Variants in COL28A1 observed in about 807,000 individuals in gnomAD.
COL28A1 encodes the protein collagen alpha-1(XXVIII) chain.
A neutral mutation model predicts 150.2 loss-of-function variants in COL28A1; 161 were observed. That is an observed-to-expected ratio of 1.07 (90% CI 0.94 to 1.22). The LOEUF is 1.22. COL28A1 is among the 50% of genes most tolerant of loss of function. COL28A1 has a pLI of 0.00. For synonymous variants in COL28A1, 552 were observed against 469.7 expected (o/e 1.18, Z -2.26); for missense variants, 1,617 against 1,388.3 (o/e 1.16, Z -2.62).
chr7:7,457,859 T>C (rs992310267), intron 15 of COL28A1, among the ~76,000 whole-genome samples: 1 of 152,200 alleles, frequency 6.6e-6, no homozygotes, highest in African/African-American at 2.4e-5. Context: ...ATGGTTAACA[T>C]GCTCATTTTA....
chr7:7,427,897 G>C (rs1451877102), intron 25 of COL28A1, among the ~76,000 whole-genome samples: 1 of 152,076 alleles, frequency 6.6e-6, no homozygotes, highest in African/African-American at 2.4e-5. Context: ...GAGCATCTGT[G>C]GATCAGGGTA....
At chr7:7,453,277 A>G (rs907755439) in intron 17 of COL28A1, among the ~76,000 whole-genome samples, 163 bp downstream of exon 17, 1 of 152,262 alleles carries the variant, frequency 6.6e-6, no homozygotes, top group African/African-American at 2.4e-5. Context: ...AATACATATT[A>G]CATTTTCTAA....
downstream of COL28A1, among the ~76,000 whole-genome samples, chr7:7,354,878 G>A (rs1780312302): frequency 6.6e-6 from 1 of 152,078 alleles, no homozygotes; most frequent in African/African-American, 2.4e-5. Context: ...GGATGCCTCT[G>A]ACACCAAAGA....
chr7:7,524,201 C>G (rs376116380), intron 4 of COL28A1, 28 bp downstream of exon 4: 1 of 1,090,556 alleles, frequency 9.2e-7, no homozygotes, highest in East Asian at 2.4e-5. Flanking sequence ...TGGAGTAATT[C>G]GTAGTAATCA....
chr7:7,500,939 C>A (rs1184556334), intron 11 of COL28A1, among the ~76,000 whole-genome samples: 1 of 152,148 alleles, frequency 6.6e-6, no homozygotes, highest in African/African-American at 2.4e-5. Flanking sequence ...GCCCTCACTG[C>A]AACGAACTCC....
At position 7,489,404 on chromosome 7, in the gene COL28A1, AC is replaced by A. The variant is rs1311746513; in HGVS notation, c.1148del (p.Gly383ValfsTer55). ...TGCTACTTACTGGCTGTCCAGGCTC[AC>A]CAACTCCAATGGGTCCTGGAGCTCC... ...RPGAPGPIGV[G>X]EPGQPGPRGP... On this transcript the variant is annotated frameshift_variant, in exon 13 of 35. Transcript: ENST00000399429. LOFTEE classifies it high-confidence loss of function. 8.4e-6 allele frequency: 12 copies of A among 1,424,528 alleles called. No individual in the cohort carries two copies. Among genetic ancestry groups the A allele is most frequent in the African/African-American group, 1.4e-5 (1 of 71,342 alleles). 88.2% of individuals were successfully genotyped at this position (1,424,528 alleles called of 1,614,324 possible).
intron 13 of COL28A1, among the ~76,000 whole-genome samples, chr7:7,482,699 T>TGTTAAA (rs1779405542): frequency 6.6e-6 from 1 of 152,162 alleles, no homozygotes; most frequent in Non-Finnish European, 1.5e-5. Context: ...AATTTCATGT[T>TGTTAAA]CTGGTAATAT....
intron 21 of COL28A1, 151 bp from the exon 22 acceptor site, chr7:7,437,613 C>CT (rs1423040358): frequency 5.4e-6 from 7 of 1,290,774 alleles, no homozygotes; most frequent in Admixed American, 7.4e-5. Flanking sequence ...ATTTGAGCAT[C>CT]TTTTGTAACC....
At chr7:7,457,520 T>A (rs189617465) in intron 15 of COL28A1, among the ~76,000 whole-genome samples, 294 of 152,270 alleles carry the variant, frequency 1.9e-3, no homozygotes, top group African/African-American at 6.3e-3. Flanking sequence ...AAAATGAACA[T>A]CCAAATGGAG....
At chr7:7,437,834 A>C (rs543364915) in intron 21 of COL28A1, among the ~76,000 whole-genome samples, 50 of 152,280 alleles carry the variant, frequency 3.3e-4, no homozygotes, top group African/African-American at 1.2e-3. Flanking sequence ...CAAATGTTTT[A>C]GGGTGTACTT....
chr7:7,472,434 A>AT lies in COL28A1; in HGVS notation c.1302+2166_1302+2167insA, dbSNP rs35893013. On this transcript the variant is annotated intron_variant, in intron 15 of 34. Transcript: ENST00000399429. ...CCCTTTTTACAATAGCTGCAAAAAA[A>AT]AAAATAAAATACTTAGGAATATACC... 4.6e-3 allele frequency among the ~76,000 whole-genome samples: 705 copies of AT among 152,228 alleles called. 5 individuals are homozygous for AT. Among genetic ancestry groups the AT allele is most frequent in the East Asian group, 0.022 (114 of 5,182 alleles).
chr7:7,424,708 A>T (rs1405044257), intron 25 of COL28A1, among the ~76,000 whole-genome samples: 1 of 151,974 alleles, frequency 6.6e-6, no homozygotes, highest in Non-Finnish European at 1.5e-5. Flanking sequence ...TAACCCCTGC[A>T]CCCACTCTCT....
intron 18 of COL28A1, among the ~76,000 whole-genome samples, chr7:7,447,302 A>G (rs1468264093): frequency 6.6e-6 from 1 of 152,146 alleles, no homozygotes. Flanking sequence ...ATAAAAAAGT[A>G]TTCAGCCTGT....
At chr7:7,515,783 C>T in intron 8 of COL28A1, 31 bp downstream of exon 8, 1 of 903,608 alleles carries the variant, frequency 1.1e-6, no homozygotes. Flanking sequence ...TTTTGAAATT[C>T]TGGTCAATCT....
At chr7:7,458,853 T>C (rs1787379412) in intron 15 of COL28A1, among the ~76,000 whole-genome samples, 1 of 152,198 alleles carries the variant, frequency 6.6e-6, no homozygotes, top group African/African-American at 2.4e-5. Context: ...GCCACTAGTT[T>C]GCAAATATTT....
At chr7:7,421,433 A>T (rs1212282038) in intron 25 of COL28A1, among the ~76,000 whole-genome samples, 1 of 152,172 alleles carries the variant, frequency 6.6e-6, no homozygotes, top group Non-Finnish European at 1.5e-5. Context: ...TTTTATACTT[A>T]AAAAGGATGA....
chr7:7,416,666 G>C (rs2128306604), intron 27 of COL28A1, among the ~76,000 whole-genome samples: 1 of 152,236 alleles, frequency 6.6e-6, no homozygotes, highest in African/African-American at 2.4e-5. Flanking sequence ...ATGCCTATTT[G>C]GCCTTTGCTT....
chr7:7,497,243 T>C lies in COL28A1; in HGVS notation c.1027-6597A>G, dbSNP rs112866239. Among the ~76,000 whole-genome samples, 21 of 152,348 alleles carry C rather than the reference T, an allele frequency of 1.4e-4. 1 individual carries two copies. The highest frequency in any genetic ancestry group is 4.8e-4 in the African/African-American group (20 of 41,586). ...ATAAAAGGCTTGTTTTTAGAAAATT[T>C]ACCAGAATAAACTTGGTCTACATTA... On this transcript the variant is annotated intron_variant, in intron 11 of 34. Transcript: ENST00000399429.
intron 17 of COL28A1, among the ~76,000 whole-genome samples, chr7:7,453,019 A>G (rs1327679296): frequency 2.6e-5 from 4 of 152,250 alleles, no homozygotes; most frequent in African/African-American, 9.6e-5. Flanking sequence ...TTGATTCCCA[A>G]GTAAATAAAA....
Sources: allele counts gnomAD v4.1 joint callset (sites outside exome capture counted in the v4.1 genomes callset), GRCh38; gene constraint gnomAD v4.1.1; transcripts MANE v1.5; gene names NCBI Gene and HGNC (gene_info 2026-07-23, HGNC 2026-07-21).